CLASP1: variants seen among roughly 807,000 people sequenced by gnomAD.
CLASP1 encodes the protein CLIP-associating protein 1.
A neutral mutation model predicts 192.3 loss-of-function variants in CLASP1; 38 were observed. The observed-to-expected ratio is 0.20, with a 90% CI of 0.15 to 0.26. The LOEUF (loss-of-function observed/expected upper bound fraction) is 0.26, where lower values mean the gene tolerates loss of function less well. Ranked by LOEUF, CLASP1 falls within the 10% of genes least tolerant of loss-of-function variation. CLASP1 has a pLI of 1.00. For synonymous variants in CLASP1, 691 were observed against 712.8 expected, an observed-to-expected ratio of 0.97 and a Z score of 0.49; for missense variants, 1,433 against 1,932.5, an observed-to-expected ratio of 0.74 and a Z score of 4.85.
chr2:121,377,161 G>GT (rs1250569495), intron 34 of CLASP1, among the ~76,000 whole-genome samples: 1 of 152,118 alleles, frequency 6.6e-6, no homozygotes, highest in Non-Finnish European at 1.5e-5. Context: ...GTACTGTAGG[G>GT]TAAATACAGT....
chr2:121,468,728 T>C (rs1027898374), intron 9 of CLASP1, among the ~76,000 whole-genome samples: 2 of 152,152 alleles, frequency 1.3e-5, no homozygotes, highest in African/African-American at 2.4e-5. Context: ...CAAATAAAGA[T>C]AGTTTGACTT....
chr2:121,383,793 T>C (rs1050435113), intron 32 of CLASP1, among the ~76,000 whole-genome samples: 2 of 151,892 alleles, frequency 1.3e-5, no homozygotes, highest in African/African-American at 2.4e-5. Context: ...AAGATAAATA[T>C]GTACTTCACA....
At chr2:121,421,847 A>G (rs2079557772) in intron 22 of CLASP1, among the ~76,000 whole-genome samples, 1 of 152,220 alleles carries the variant, frequency 6.6e-6, no homozygotes, top group South Asian at 2.1e-4. Flanking sequence ...CCGGCCTAAA[A>G]TAAGTATATA....
At chr2:121,582,164 A>T (rs2105587063) in intron 2 of CLASP1, among the ~76,000 whole-genome samples, 1 of 152,176 alleles carries the variant, frequency 6.6e-6, no homozygotes, top group African/African-American at 2.4e-5. Context: ...GTAGAAAGAA[A>T]GAAGAAAGGA....
intron 1 of CLASP1, among the ~76,000 whole-genome samples, chr2:121,640,053 A>G (rs571405708): frequency 1.3e-5 from 2 of 152,306 alleles, no homozygotes; most frequent in Admixed American, 6.5e-5. Flanking sequence ...AAAAAGGATG[A>G]GTTCATGTCC....
chr2:121,556,155 C>A (rs957296143), intron 2 of CLASP1, among the ~76,000 whole-genome samples: 1 of 151,610 alleles, frequency 6.6e-6, no homozygotes, highest in Non-Finnish European at 1.5e-5. Context: ...AGCTAATTTT[C>A]GTATTTTTTG....
chr2:121,428,684 G>C (rs1418355097), intron 20 of CLASP1, among the ~76,000 whole-genome samples: 1 of 152,166 alleles, frequency 6.6e-6, no homozygotes. Context: ...ATCCTGAACT[G>C]CATCCCTCAT....
At chr2:121,478,731 A>C (rs1260955429) in intron 8 of CLASP1, among the ~76,000 whole-genome samples, 36 of 69,042 alleles carry the variant, frequency 5.2e-4, no homozygotes, top group South Asian at 3.5e-3. Flanking sequence ...CACACACACC[A>C]CACACACACC....
rs1378037094 is a variant in CLASP1, at chr2:121,478,461, C to T, written c.713-8501G>A. ...ACTAAAAATACAAAAATGAGCCCAGCGTGGCAGCACACTCCTGTAATCCCA... is the reference window on the plus strand; with the variant it reads ...ACTAAAAATACAAAAATGAGCCCAGTGTGGCAGCACACTCCTGTAATCCCA... On this transcript the variant is annotated intron_variant, in intron 8 of 39. Transcript: ENST00000263710. 6.6e-5 allele frequency among the ~76,000 whole-genome samples: 10 copies of T among 151,910 alleles called. No homozygotes were observed. In the East Asian group the frequency reaches 1.7e-3, roughly 26 times the overall value.
At chr2:121,382,691 T>C (rs1422381021) in intron 32 of CLASP1, among the ~76,000 whole-genome samples, 1 of 152,190 alleles carries the variant, frequency 6.6e-6, no homozygotes, top group African/African-American at 2.4e-5. Flanking sequence ...AAAATATGGA[T>C]GCTCACTTTC....
At chr2:121,614,464 C>T (rs188712020) in intron 1 of CLASP1, among the ~76,000 whole-genome samples, 25 of 152,174 alleles carry the variant, frequency 1.6e-4, no homozygotes, top group Non-Finnish European at 1.9e-4. Context: ...CCACTGCACT[C>T]CAGTTGGGGC....
intron 37 of CLASP1, among the ~76,000 whole-genome samples, chr2:121,361,146 T>C (rs1305348782): frequency 6.6e-6 from 1 of 152,178 alleles, no homozygotes; most frequent in East Asian, 1.9e-4. Flanking sequence ...AAGTATGTAC[T>C]GCCCCATGAA....
intron 1 of CLASP1, among the ~76,000 whole-genome samples, chr2:121,628,732 C>T (rs1434245207): frequency 1.3e-5 from 2 of 151,162 alleles, no homozygotes; most frequent in African/African-American, 2.4e-5. Flanking sequence ...TAATGCACTG[C>T]TGATGAGAAT....
chr2:121,446,959 C>T (rs2084459812), intron 19 of CLASP1, among the ~76,000 whole-genome samples: 1 of 152,178 alleles, frequency 6.6e-6, no homozygotes, highest in Admixed American at 6.5e-5. Context: ...TGGTGAATCC[C>T]TCACTGAACC....
chr2:121,425,847 T>TA (rs1179214017), intron 21 of CLASP1, among the ~76,000 whole-genome samples: 38 of 152,306 alleles, frequency 2.5e-4, no homozygotes, highest in African/African-American at 8.7e-4. Context: ...TTCATCGATT[T>TA]AAAAGAGATT....
At chr2:121,362,104 T>C (rs376122950) in intron 37 of CLASP1, among the ~76,000 whole-genome samples, 1 of 152,356 alleles carries the variant, frequency 6.6e-6, no homozygotes, top group African/African-American at 2.4e-5. Context: ...ATTCCCTTCA[T>C]CCACGAGTGT....
chr2:121,430,388 C>T (rs2081185508), intron 19 of CLASP1, among the ~76,000 whole-genome samples: 3 of 152,260 alleles, frequency 2.0e-5, no homozygotes, highest in Admixed American at 2.0e-4. Context: ...AACTGTTCTA[C>T]GAACACAGGA....
chr2:121,363,180 G>A, exon 37 of CLASP1: 1 of 1,613,964 alleles, frequency 6.2e-7, no homozygotes, highest in South Asian at 1.1e-5. Context: ...ACCTCCTTAT[G>A]GGAGTCTTTG....
chr2:121,340,710 C>T (rs1452784833), exon 40 of CLASP1: 23 of 612,284 alleles, frequency 3.8e-5, no homozygotes, highest in Admixed American at 5.8e-5. Context: ...TAAGATTCTA[C>T]AGAAAAGCTG....
Sources: allele counts gnomAD v4.1 joint callset (sites outside exome capture counted in the v4.1 genomes callset), GRCh38; gene constraint gnomAD v4.1.1; transcripts MANE v1.5; gene names NCBI Gene and HGNC (gene_info 2026-07-23, HGNC 2026-07-21).